Variants in HROB observed in about 807,000 individuals in gnomAD.
The protein encoded by HROB is homologous recombination OB-fold protein.
HROB carries 44 observed loss-of-function variants against 61.0 expected under a neutral mutation model. The ratio of observed to expected loss-of-function variants is 0.72; its 90% CI spans 0.57 to 0.93. The LOEUF is 0.93. HROB is among the 40% of genes least tolerant of loss of function. HROB has a pLI of 0.00. For missense variants in HROB, 716 were observed against 796.2 expected, an observed-to-expected ratio of 0.90 and a Z score of 1.21; for synonymous variants, 301 against 310.4, an observed-to-expected ratio of 0.97 and a Z score of 0.32.
intron 3 of HROB, among the ~76,000 whole-genome samples, chr17:44,150,469 AACCTCC>A (rs2053766884): frequency 6.6e-6 from 1 of 151,362 alleles, no homozygotes; most frequent in Non-Finnish European, 1.5e-5. Flanking sequence ...GGCTCACTGC[AACCTCC>A]ACCTCCCAGC....
chr17:44,152,720 T>TGA lies in HROB; in HGVS notation c.1399_1400dup (p.Asp467GlufsTer21), dbSNP rs752254671. 6.2e-6 allele frequency: 10 copies of TGA among 1,614,022 alleles called. No individual in the cohort carries two copies. Among genetic ancestry groups the TGA allele is most frequent in the Non-Finnish European group, 8.5e-6 (10 of 1,179,978 alleles). On this transcript the variant is annotated frameshift_variant, in exon 5 of 10. Transcript: ENST00000585683. LOFTEE classifies it high-confidence loss of function. Reference sequence around the variant, plus strand: ...CCATGAAATCCACGCTAGGCCTGGATGAGAGAGACCCTAGCTGCTTCCTCT... The same window carrying TGA: ...CCATGAAATCCACGCTAGGCCTGGATGAGAGAGAGACCCTAGCTGCTTCCTCT...
Position 44,152,558 on chromosome 17 carries a change from C to G in HROB, c.1309-79C>G, listed in dbSNP as rs554201273. ...GGGGATTTGCCTTTCCTCTCTCACC[C>G]TTCCACCCTGTTTCAATCAAGAGTC... On this transcript the variant is annotated intron_variant, in intron 4 of 9. Transcript: ENST00000585683. 11 of 1,517,308 alleles carry G rather than the reference C, an allele frequency of 7.2e-6. No individual in the cohort carries two copies. The African/African-American group carries it at 8.2e-5, about 11-fold the overall frequency. The allele number at this position is 1,517,308 out of a possible 1,614,324, so 94.0% of individuals were successfully genotyped here.
intron 1 of HROB, among the ~76,000 whole-genome samples, chr17:44,144,974 C>T (rs1247174212): frequency 6.6e-6 from 1 of 152,110 alleles, no homozygotes; most frequent in African/African-American, 2.4e-5. Context: ...CCTCGGCCTC[C>T]CAAAGTGCTG....
Position 44,155,234 on chromosome 17 carries a change from G to A in HROB, c.1645-52G>A. On this transcript the variant is annotated intron_variant, in intron 7 of 9. Transcript: ENST00000585683. Reference sequence around the variant, plus strand: ...CAGGTGGGAGCCAGGTGTCCATCTGGCAGCTCCCAGTGCTCCATCAGGACA... The same window carrying A: ...CAGGTGGGAGCCAGGTGTCCATCTGACAGCTCCCAGTGCTCCATCAGGACA... 10 of 1,605,746 alleles carry A rather than the reference G, an allele frequency of 6.2e-6. No homozygotes were observed. In the South Asian group the frequency reaches 1.1e-4, roughly 18 times the overall value.
At chr17:44,159,843 G>A (rs554878565) in intron 9 of HROB, among the ~76,000 whole-genome samples, 4 of 152,322 alleles carry the variant, frequency 2.6e-5, no homozygotes, top group South Asian at 4.1e-4. Context: ...GTATACAGGC[G>A]GAACATGAAA....
chr17:44,142,871 G>C (rs1321234598), intron 1 of HROB, among the ~76,000 whole-genome samples: 1 of 152,180 alleles, frequency 6.6e-6, no homozygotes, highest in Non-Finnish European at 1.5e-5. Context: ...AGATTGGTCA[G>C]GCGAAACCTT....
chr17:44,154,245 G>A (rs1373292435), intron 5 of HROB: 3 of 269,366 alleles, frequency 1.1e-5, no homozygotes, highest in Non-Finnish European at 2.2e-5. Flanking sequence ...GGGAGCCTGA[G>A]GCAGGAGAAT....
chr17:44,150,997 G>C lies in HROB; in HGVS notation c.1261G>C (p.Ala421Pro). The change falls in exon 4 of 10, where the codon GCG (alanine) becomes CCG (proline). Residue 421 changes from alanine (A) to proline (P), a missense_variant. Coordinates refer to ENST00000585683, the MANE Select transcript of HROB (RefSeq NM_001171251.3). ...AAGTCTGGAGGACATCATGGTTTCCGCGCCCCAAACTCCAACCCATGGTGC... is the reference window on the plus strand; with the variant it reads ...AAGTCTGGAGGACATCATGGTTTCCCCGCCCCAAACTCCAACCCATGGTGC... ...GRSLEDIMVS[A>P]PQTPTHGALA... 6.2e-7 allele frequency: 1 copy of C among 1,613,218 alleles called. No individual in the cohort carries two copies. The highest frequency in any genetic ancestry group is 8.5e-7 in the Non-Finnish European group (1 of 1,179,908).
At chr17:44,156,283 C>G (rs1200236229) in intron 8 of HROB, among the ~76,000 whole-genome samples, 1 of 151,472 alleles carries the variant, frequency 6.6e-6, no homozygotes, top group Non-Finnish European at 1.5e-5. Flanking sequence ...TCACCCAGGC[C>G]AGAGTGCAGT....
rs1206263906 is a variant in HROB, at chr17:44,162,004, GAGA to G, written c.*78_*80del. ...CATGTGTCTGGTCACATCCAAGGGGGAGAAGAAGGCCAGCATGATTGGAGAGTG... is the reference window on the plus strand; with the variant it reads ...CATGTGTCTGGTCACATCCAAGGGGGAGAAGGCCAGCATGATTGGAGAGTG... On this transcript the variant is annotated 3_prime_UTR_variant, in exon 10 of 10. Transcript: ENST00000585683. 1.3e-6 allele frequency: 2 copies of G among 1,512,452 alleles called. No homozygotes were observed. The highest frequency in any genetic ancestry group is 1.4e-5 in the African/African-American group (1 of 72,390). 93.7% of individuals were successfully genotyped at this position (1,512,452 alleles called of 1,614,324 possible).
chr17:44,157,405 C>CTTTTT (rs71160088), intron 8 of HROB, among the ~76,000 whole-genome samples: 4 of 81,482 alleles, frequency 4.9e-5, no homozygotes, highest in Non-Finnish European at 6.9e-5. Context: ...CATCATGTTT[C>CTTTTT]TTTTTTTTTT....
chr17:44,157,232 T>G (rs1236560471), intron 8 of HROB, among the ~76,000 whole-genome samples: 3 of 152,212 alleles, frequency 2.0e-5, no homozygotes, highest in Non-Finnish European at 4.4e-5. Context: ...GCTCTAGTTA[T>G]AGAGAATCTC....
At chr17:44,159,415 G>C (rs1482122043) in intron 9 of HROB, among the ~76,000 whole-genome samples, 1 of 152,208 alleles carries the variant, frequency 6.6e-6, no homozygotes, top group Non-Finnish European at 1.5e-5. Flanking sequence ...TTGGGTGCCA[G>C]ATGTAGGGTC....
intron 8 of HROB, among the ~76,000 whole-genome samples, chr17:44,155,793 G>C (rs2053953128): frequency 6.6e-6 from 1 of 152,192 alleles, no homozygotes; most frequent in Admixed American, 6.5e-5. Context: ...CAAATGGCCT[G>C]TCAGGTGAGC....
intron 6 of HROB, 73 bp downstream of exon 6, chr17:44,154,737 C>G: frequency 1.9e-6 from 3 of 1,594,578 alleles, no homozygotes. Context: ...GAATCACCCT[C>G]TCCCTTTGCA....
intron 7 of HROB, 65 bp downstream of exon 7, chr17:44,155,003 C>T: frequency 6.5e-7 from 1 of 1,545,616 alleles, no homozygotes. Flanking sequence ...GTCTCCTTAC[C>T]TGTTTGGCTG....
chr17:44,161,202 C>CAAA (rs35777921), intron 9 of HROB, among the ~76,000 whole-genome samples: 5 of 125,452 alleles, frequency 4.0e-5, no homozygotes, highest in East Asian at 2.2e-4. Flanking sequence ...GACTCTGTCT[C>CAAA]AAAAAAAAAA....
At chr17:44,146,435 T>C (rs377100497) in intron 2 of HROB, among the ~76,000 whole-genome samples, 51 of 152,324 alleles carry the variant, frequency 3.3e-4, no homozygotes, top group African/African-American at 1.2e-3. Context: ...TTTGGAGATA[T>C]GTGATTACAG....
intron 1 of HROB, among the ~76,000 whole-genome samples, chr17:44,142,436 C>T (rs896662269): frequency 2.0e-5 from 3 of 151,900 alleles, no homozygotes; most frequent in African/African-American, 4.8e-5. Context: ...TTGGGTCCAT[C>T]CCTTTCCCCT....
Sources: gnomAD v4.1 joint callset for allele counts (sites outside exome capture counted in the v4.1 genomes callset) on GRCh38, gnomAD v4.1.1 for gene constraint, MANE v1.5 for transcripts, NCBI Gene and HGNC (gene_info 2026-07-23, HGNC 2026-07-21) for gene names.